B4GALNT3: variants seen among roughly 807,000 people sequenced by gnomAD.
B4GALNT3 encodes beta-1,4-N-acetyl-galactosaminyltransferase 3.
B4GALNT3 carries 86 observed loss-of-function variants against 120.2 expected under a neutral mutation model. That is an observed-to-expected ratio of 0.72 (90% CI 0.60 to 0.86). The LOEUF is 0.86. B4GALNT3 is among the 40% of genes least tolerant of loss of function. The pLI, the probability that B4GALNT3 is intolerant of heterozygous loss-of-function variation, is 0.00. For missense variants in B4GALNT3, 1,167 were observed against 1,298.9 expected, an observed-to-expected ratio of 0.90 and a Z score of 1.56; for synonymous variants, 518 against 510.4, an observed-to-expected ratio of 1.01 and a Z score of -0.20.
chr12:531,743 C>A (rs954550737), intron 1 of B4GALNT3, among the ~76,000 whole-genome samples: 3 of 152,058 alleles, frequency 2.0e-5, no homozygotes, highest in African/African-American at 7.2e-5. Context: ...ACTCCCAAAT[C>A]CAAAACCTCA....
At chr12:502,301 G>C (rs1212961410) in intron 1 of B4GALNT3, among the ~76,000 whole-genome samples, 1 of 152,170 alleles carries the variant, frequency 6.6e-6, no homozygotes, top group South Asian at 2.1e-4. Flanking sequence ...TGCAGCCCTC[G>C]GCATCAGGTG....
intron 1 of B4GALNT3, among the ~76,000 whole-genome samples, chr12:529,152 T>C (rs1283147595): frequency 6.6e-6 from 1 of 152,164 alleles, no homozygotes; most frequent in Non-Finnish European, 1.5e-5. Context: ...CCCTTTCTAA[T>C]GGAGCCCTGC....
At position 550,333 on chromosome 12, in the gene B4GALNT3, G is replaced by A. The variant is rs1565609720; in HGVS notation, c.997+421G>A. On this transcript the variant is annotated intron_variant, in intron 10 of 19. Coordinates refer to ENST00000266383, the MANE Select transcript of B4GALNT3 (RefSeq NM_173593.4). The surrounding 1 kb of genome is among the most constrained non-coding windows in gnomAD (Gnocchi z 4.1). ...TGGGAGTGTTTACATTTTAAAAGAC[G>A]GCCAAGATGGCCAGGCATGGTGGCT... Among the ~76,000 whole-genome samples the A allele has an allele frequency of 6.6e-6, 1 of 152,048 alleles. No individual in the cohort carries two copies. The highest frequency in any genetic ancestry group is 2.1e-4 in the South Asian group (1 of 4,816).
chr12:514,443 C>T (rs1190793083), intron 1 of B4GALNT3, among the ~76,000 whole-genome samples: 8 of 151,886 alleles, frequency 5.3e-5, no homozygotes, highest in East Asian at 2.0e-4. Context: ...GTGATCTGCC[C>T]GCCTCGGCCT....
intron 1 of B4GALNT3, among the ~76,000 whole-genome samples, chr12:470,702 A>G (rs1946127415): frequency 6.6e-6 from 1 of 152,130 alleles, no homozygotes; most frequent in African/African-American, 2.4e-5. Context: ...AAATGGAGGG[A>G]GAGACCGCTA....
At chr12:545,057 A>AG in intron 5 of B4GALNT3, 85 bp downstream of exon 5, 1 of 1,528,882 alleles carries the variant, frequency 6.5e-7, no homozygotes, top group Non-Finnish European at 8.8e-7. Flanking sequence ...GGTTATAGGT[A>AG]GACTGGACTA....
intron 2 of B4GALNT3, 57 bp from the exon 3 acceptor site, chr12:536,161 G>A: frequency 6.8e-7 from 1 of 1,475,230 alleles, no homozygotes; most frequent in Non-Finnish European, 9.5e-7. Flanking sequence ...CTCCTGTCCT[G>A]CCCGTAGCTT....
chr12:481,119 A>G (rs1052013619), intron 1 of B4GALNT3, among the ~76,000 whole-genome samples: 2 of 152,184 alleles, frequency 1.3e-5, no homozygotes, highest in Non-Finnish European at 2.9e-5. Context: ...AGTCATGGCC[A>G]TGCCTCAGGG....
In B4GALNT3 at chr12:477,884, A is replaced by G. The variant is rs546412359; in HGVS notation, c.169+17339A>G. 3.9e-5 allele frequency among the ~76,000 whole-genome samples: 6 copies of G among 152,320 alleles called. No homozygotes were observed. In the South Asian group the frequency reaches 1.2e-3, roughly 32 times the overall value. ...TCCATTACTGGCAGTGTGAGGGTAA[A>G]AAGTGAAATGGGTAACAGATTAAAG... On this transcript the variant is annotated intron_variant, in intron 1 of 19. Transcript: ENST00000266383.
chr12:500,184 C>T (rs528772257), intron 1 of B4GALNT3, among the ~76,000 whole-genome samples: 2 of 152,064 alleles, frequency 1.3e-5, no homozygotes, highest in Non-Finnish European at 2.9e-5. Context: ...TGCTCTGTCA[C>T]CCAGGCTGGA....
chr12:484,476 GGA>G, intron 1 of B4GALNT3, among the ~76,000 whole-genome samples: 1 of 152,228 alleles, frequency 6.6e-6, no homozygotes, highest in Admixed American at 6.5e-5. Flanking sequence ...GGAGCTTTAA[GGA>G]CTCTAGCTTT....
intron 1 of B4GALNT3, among the ~76,000 whole-genome samples, chr12:528,027 G>C (rs190342184): frequency 6.6e-6 from 1 of 152,080 alleles, no homozygotes; most frequent in East Asian, 1.9e-4. Context: ...ACCTGACACC[G>C]GGTGATAAGA....
intron 14 of B4GALNT3, chr12:555,169 C>G: frequency 3.0e-6 from 1 of 333,802 alleles, no homozygotes; most frequent in South Asian, 2.3e-5. Flanking sequence ...CAGAGTGAGA[C>G]TCTGTCTCAA....
chr12:532,549 C>T (rs756243937), intron 1 of B4GALNT3, among the ~76,000 whole-genome samples: 9 of 152,216 alleles, frequency 5.9e-5, no homozygotes, highest in South Asian at 4.1e-4. Flanking sequence ...GGTTGGAAAA[C>T]GACTGAGACA....
chr12:514,527 C>T (rs907550676), intron 1 of B4GALNT3, among the ~76,000 whole-genome samples: 1 of 151,924 alleles, frequency 6.6e-6, no homozygotes, highest in African/African-American at 2.4e-5. Flanking sequence ...CTAATAAATT[C>T]TATTAGTATG....
intron 19 of B4GALNT3, among the ~76,000 whole-genome samples, chr12:560,920 TCCGTCTATGA>T (rs1386068789): frequency 6.6e-6 from 1 of 151,848 alleles, no homozygotes; most frequent in African/African-American, 2.4e-5. Context: ...CCTGCCTTCC[TCCGTCTATGA>T]CGTGTGCCCT....
At chr12:539,570 G>C (rs1198491672) in intron 3 of B4GALNT3, among the ~76,000 whole-genome samples, 2 of 149,268 alleles carry the variant, frequency 1.3e-5, no homozygotes, top group Admixed American at 1.3e-4. Flanking sequence ...CAGCTTTATT[G>C]AACTGTAATT....
At position 460,543 on chromosome 12, in the gene B4GALNT3, G is replaced by A. The variant is rs1158239689; in HGVS notation, c.167G>A (p.Arg56Gln). Residue 56 changes from arginine (R) to glutamine (Q), a missense_variant and splice_region_variant, in exon 1 of 20, where the codon CGG (arginine) becomes CAG (glutamine). Physicochemically the swap from Arg to Gln is conservative, Grantham distance 43. Transcript: ENST00000266383. The surrounding 1 kb of genome is among the most constrained non-coding windows in gnomAD (Gnocchi z 8.0). ...CAGGTCGGCGGGAACCCCCTGAACC[G>A]GAGTAAGTAGCACCCAGGGGAGGCG... is the stretch of plus-strand genomic sequence containing the variant. ...SAQVGGNPLN[R>Q]RYGSWRELAK... 1.3e-6 allele frequency: 2 copies of A among 1,496,274 alleles called. No individual in the cohort carries two copies. Among genetic ancestry groups the A allele is most frequent in the African/African-American group, 1.4e-5 (1 of 70,148 alleles). 92.7% of individuals were successfully genotyped at this position (1,496,274 alleles called of 1,614,324 possible).
At chr12:534,827 C>T (rs2120661590) in intron 1 of B4GALNT3, among the ~76,000 whole-genome samples, 1 of 152,340 alleles carries the variant, frequency 6.6e-6, no homozygotes. Context: ...ACCATCTCTC[C>T]ACGGCAGCTC....
Sources: gnomAD v4.1 joint callset for allele counts (sites outside exome capture counted in the v4.1 genomes callset) on GRCh38, gnomAD v4.1.1 for gene constraint, Gnocchi (gnomAD v3.1) non-coding constraint, MANE v1.5 for transcripts, NCBI Gene and HGNC (gene_info 2026-07-23, HGNC 2026-07-21) for gene names.